CNTNAP3: variants seen among roughly 807,000 people sequenced by gnomAD.
CNTNAP3 encodes the protein contactin associated protein family member 3.
In CNTNAP3, 36 loss-of-function variants were observed where a neutral mutation model predicts 92.1. That is an observed-to-expected ratio of 0.39 (90% CI 0.30 to 0.52). The LOEUF is 0.52. CNTNAP3 is among the 20% of genes least tolerant of loss of function. The probability of loss-of-function intolerance (pLI) is 0.76; values close to 1 mark genes in which losing one functional copy is unlikely to be tolerated. For missense variants in CNTNAP3, 534 were observed against 1,069.6 expected (o/e 0.50, Z 6.98); for synonymous variants, 232 against 422.3 (o/e 0.55, Z 5.53).
intron 15 of CNTNAP3, 38 bp downstream of exon 15, chr9:39,109,122 T>G (rs1826679545): frequency 2.5e-6 from 4 of 1,593,470 alleles, no homozygotes; most frequent in Middle Eastern, 2.2e-4. Flanking sequence ...CCAAAAAAAG[T>G]TATTATGAAA....
intron 11 of CNTNAP3, 76 bp downstream of exon 11, chr9:39,144,164 G>A: frequency 6.9e-7 from 1 of 1,442,822 alleles, no homozygotes; most frequent in Non-Finnish European, 9.2e-7. Context: ...CAAATATGCA[G>A]ATACATATAA....
rs940292100 is a variant in CNTNAP3, at chr9:39,068,534, A to G, written c.*5356T>C. Among the ~76,000 whole-genome samples the G allele has an allele frequency of 6.6e-6, 1 of 152,426 alleles. No individual in the cohort carries two copies. The highest frequency in any genetic ancestry group is 1.5e-5 in the Non-Finnish European group (1 of 68,050). On this transcript the variant is annotated 3_prime_UTR_variant, in exon 24 of 24. Coordinates refer to ENST00000297668, the MANE Select transcript of CNTNAP3 (RefSeq NM_033655.5). ...AATAATAATTTTTTAAAGGTTGATA[A>G]ATGCCGCTGTAATTCTTTTGAGTGT... is the stretch of plus-strand genomic sequence containing the variant.
intron 13 of CNTNAP3, among the ~76,000 whole-genome samples, chr9:39,130,203 G>C (rs1315854919): frequency 2.6e-5 from 4 of 152,006 alleles, no homozygotes; most frequent in Non-Finnish European, 5.9e-5. Context: ...GTTCATAAAA[G>C]CTTTATTCAT....
rs542232277 is a variant in CNTNAP3 at position 39,109,360 on chromosome 9, T to C, written c.2238-73A>G. ...GGGCAAAATTAACTCTGATCTCTTATCTCAATTTGAAACCAACATCATAGA... is the reference window on the plus strand; with the variant it reads ...GGGCAAAATTAACTCTGATCTCTTACCTCAATTTGAAACCAACATCATAGA... On this transcript the variant is annotated intron_variant, in intron 14 of 23. Transcript: ENST00000297668. 10 of 1,583,594 alleles carry C rather than the reference T, an allele frequency of 6.3e-6. No individual in the cohort carries two copies. In the African/African-American group the frequency reaches 6.8e-5, roughly 11 times the overall value.
chr9:39,091,366 C>T (rs553426154), intron 18 of CNTNAP3, among the ~76,000 whole-genome samples: 3 of 152,068 alleles, frequency 2.0e-5, no homozygotes, highest in South Asian at 4.1e-4. Context: ...AGGAAGTTAT[C>T]GTCTATAATT....
chr9:39,104,937 C>A (rs1826562755), intron 15 of CNTNAP3, among the ~76,000 whole-genome samples: 1 of 152,122 alleles, frequency 6.6e-6, no homozygotes, highest in Non-Finnish European at 1.5e-5. Flanking sequence ...TATTATTTTT[C>A]TCTTTGTAAT....
intron 15 of CNTNAP3, among the ~76,000 whole-genome samples, chr9:39,108,154 G>A (rs1469504434): frequency 1.3e-5 from 2 of 151,982 alleles, no homozygotes; most frequent in Non-Finnish European, 2.9e-5. Context: ...ATTTCACAGG[G>A]CAACACAATC....
intron 21 of CNTNAP3, among the ~76,000 whole-genome samples, chr9:39,079,381 T>TGTATGATG (rs1365007336): frequency 1.3e-4 from 20 of 150,874 alleles, no homozygotes; most frequent in Middle Eastern, 6.8e-3. Context: ...GACTTTCATA[T>TGTATGATG]TATCTTAATA....
chr9:39,100,442 G>C (rs940616187), intron 17 of CNTNAP3, among the ~76,000 whole-genome samples: 2 of 152,054 alleles, frequency 1.3e-5, no homozygotes, highest in Non-Finnish European at 2.9e-5. Flanking sequence ...CCTTCACAAA[G>C]AACAAAATAC....
rs776208970 is a variant in CNTNAP3 at position 39,149,786 on chromosome 9, T to C, written c.1649+20A>G. The C allele has an allele frequency of 2.7e-6, 4 of 1,494,688 alleles. No homozygotes were observed. In the Admixed American group the frequency reaches 7.0e-5, roughly 26 times the overall value. The allele number at this position is 1,494,688 out of a possible 1,614,324, so 92.6% of individuals were successfully genotyped here. A position where few individuals can be genotyped will look rare whatever the true frequency, so the allele number is the denominator to read the frequency against. On this transcript the variant is annotated intron_variant, in intron 10 of 23. Transcript: ENST00000297668. ...AACTTTGAAAACAGGCAAGCTAAAG[T>C]GACCTAGGATGGCCCTTACCTGTCT... is the stretch of plus-strand genomic sequence containing the variant.
At chr9:39,097,402 G>A (rs4062903) in intron 18 of CNTNAP3, among the ~76,000 whole-genome samples, 31,338 of 151,264 alleles carry the variant, frequency 0.21, 3,492 homozygotes, top group East Asian at 0.35. Context: ...TACAAGTAGG[G>A]CACAGGGTGG....
intron 21 of CNTNAP3, among the ~76,000 whole-genome samples, chr9:39,083,125 A>G (rs531513285): frequency 6.6e-6 from 1 of 152,080 alleles, no homozygotes; most frequent in African/African-American, 2.4e-5. Context: ...AATTTCCAGA[A>G]ATATTTAATT....
intron 18 of CNTNAP3, among the ~76,000 whole-genome samples, chr9:39,094,793 G>C (rs961787590): frequency 6.6e-6 from 1 of 151,446 alleles, no homozygotes; most frequent in Non-Finnish European, 1.5e-5. Flanking sequence ...CTCCAACTTT[G>C]TTCTTTTGTA....
chr9:39,112,624 A>G (rs1428294771), intron 14 of CNTNAP3, among the ~76,000 whole-genome samples: 1 of 152,150 alleles, frequency 6.6e-6, no homozygotes, highest in Non-Finnish European at 1.5e-5. Flanking sequence ...TTGGCCTCCC[A>G]AAGTGCTGGG....
rs1296943640 is a variant in CNTNAP3, at chr9:39,067,744, A to G, written c.*6146T>C. Among the ~76,000 whole-genome samples, 1 of 152,312 alleles carries G rather than the reference A, an allele frequency of 6.6e-6. No homozygotes were observed. Among genetic ancestry groups the G allele is most frequent in the East Asian group, 1.9e-4 (1 of 5,208 alleles). Reference sequence around the variant, plus strand: ...CTGGAAATACATGTGAACTTTGCTCAGAGATGCCAATTAGTTATTGGAAAC... The same window carrying G: ...CTGGAAATACATGTGAACTTTGCTCGGAGATGCCAATTAGTTATTGGAAAC... On this transcript the variant is annotated 3_prime_UTR_variant, in exon 24 of 24. Transcript: ENST00000297668.
rs1321828535 is a variant in CNTNAP3 at position 39,133,102 on chromosome 9, C to A, written c.1910G>T (p.Gly637Val). The change falls in exon 13 of 24, where the codon GGC (glycine) becomes GTC (valine). Residue 637 changes from glycine to valine, a missense_variant. Coordinates refer to ENST00000297668, the MANE Select transcript of CNTNAP3 (RefSeq NM_033655.5). ...ACCTCGGAGGGTCACCGCGTCGGGG[C>A]CACCGTGCTGCACCACCGTCCACGC... is the stretch of plus-strand genomic sequence containing the variant. ...DAAWTVVQHG[G>V]PDAVTLRGAP... 17 of 1,573,580 alleles carry A rather than the reference C, an allele frequency of 1.1e-5. No individual in the cohort carries two copies. Among genetic ancestry groups the A allele is most frequent in the Non-Finnish European group, 1.4e-5 (16 of 1,165,686 alleles).
At chr9:39,100,646 G>A (rs894557527) in intron 17 of CNTNAP3, among the ~76,000 whole-genome samples, 1 of 152,068 alleles carries the variant, frequency 6.6e-6, no homozygotes, top group Non-Finnish European at 1.5e-5. Context: ...AATAAAGTGT[G>A]AAAGGAAATG....
rs562607660 is a variant in CNTNAP3 at position 39,139,167 on chromosome 9, T to C, written c.1876+1352A>G. 2.6e-5 allele frequency among the ~76,000 whole-genome samples: 4 copies of C among 152,268 alleles called. No homozygotes were observed. In the East Asian group the frequency reaches 7.7e-4, roughly 29 times the overall value. On this transcript the variant is annotated intron_variant, in intron 12 of 23. Coordinates refer to ENST00000297668, the MANE Select transcript of CNTNAP3 (RefSeq NM_033655.5). ...AGAAAAGAGACCAGAGTTTAGTGATTCCCCTATCATTAGCTAGATTTTGTC... is the reference window on the plus strand; with the variant it reads ...AGAAAAGAGACCAGAGTTTAGTGATCCCCCTATCATTAGCTAGATTTTGTC...
intron 10 of CNTNAP3, among the ~76,000 whole-genome samples, 168 bp downstream of exon 10, chr9:39,149,638 C>T (rs1171612826): frequency 1.3e-5 from 2 of 151,994 alleles, no homozygotes; most frequent in African/African-American, 4.8e-5. Flanking sequence ...CCACCGCGCC[C>T]GGCCAAGATG....
Sources: allele counts gnomAD v4.1 joint callset (sites outside exome capture counted in the v4.1 genomes callset), GRCh38; gene constraint gnomAD v4.1.1; transcripts MANE v1.5; gene names NCBI Gene and HGNC (gene_info 2026-07-23, HGNC 2026-07-21).